The following TMEM260 variants were observed in gnomAD, a reference collection of about 807,000 sequenced individuals.
TMEM260 encodes protein O-mannosyl-transferase TMEM260.
Under a neutral mutation model 88.9 loss-of-function variants are expected in TMEM260, and 82 were observed. That is an observed-to-expected ratio of 0.92 (90% CI 0.77 to 1.11). The LOEUF (loss-of-function observed/expected upper bound fraction) is 1.11. TMEM260 is among the 50% of genes least tolerant of loss of function. The probability of loss-of-function intolerance (pLI) is 0.00; values close to 1 mark genes in which losing one functional copy is unlikely to be tolerated. For missense variants in TMEM260, 902 were observed against 853.4 expected, an observed-to-expected ratio of 1.06 and a Z score of -0.71; for synonymous variants, 314 against 309.3, an observed-to-expected ratio of 1.02 and a Z score of -0.16.
chr14:56,604,095 C>A, intron 4 of TMEM260, 103 bp downstream of exon 4: 1 of 1,143,570 alleles, frequency 8.7e-7, no homozygotes, highest in Non-Finnish European at 1.2e-6. Flanking sequence ...ATTCTGATTA[C>A]AGTCGGGATA....
intron 1 of TMEM260, among the ~76,000 whole-genome samples, chr14:56,581,998 T>A (rs1885169727): frequency 1.3e-5 from 2 of 152,210 alleles, no homozygotes; most frequent in Admixed American, 6.5e-5. Flanking sequence ...AAACTTTAGG[T>A]GCTTTAATTT....
chr14:56,580,157 G>C, intron 1 of TMEM260, 83 bp downstream of exon 1: 1 of 1,178,028 alleles, frequency 8.5e-7, no homozygotes, highest in Non-Finnish European at 1.1e-6. Context: ...CCCTGCTCTT[G>C]GCATTCGGTC....
chr14:56,613,834 A>C (rs1887430958), intron 7 of TMEM260: 1 of 151,046 alleles, frequency 6.6e-6, no homozygotes, highest in African/African-American at 2.4e-5. Flanking sequence ...CCAAAGTGGG[A>C]GGATCGCTTG....
rs979714931 is a variant in TMEM260, at chr14:56,621,634, G to C, written c.1330G>C (p.Gly444Arg). 8 of 1,613,276 alleles carry C rather than the reference G, an allele frequency of 5.0e-6. No individual in the cohort carries two copies. In the African/African-American group the frequency reaches 1.1e-4, roughly 22 times the overall value. ...AIILLRGDLP[G>R]NSLRYMHYCE... ...TATCTTACTCAGAGGAGATTTGCCA[G>C]GAAATTCTCTCCGTTACATGCATTA... The change falls in exon 11 of 16, where the codon GGA (glycine) becomes CGA (arginine). Residue 444 changes from glycine to arginine, a missense_variant. Transcript: ENST00000261556.
At chr14:56,587,593 T>C (rs1885587332) in intron 3 of TMEM260, among the ~76,000 whole-genome samples, 1 of 152,070 alleles carries the variant, frequency 6.6e-6, no homozygotes, top group Non-Finnish European at 1.5e-5. Flanking sequence ...TGACATGTGC[T>C]TTAAATTGAA....
intron 15 of TMEM260, among the ~76,000 whole-genome samples, chr14:56,640,832 G>T (rs185398911): frequency 1.3e-5 from 2 of 152,182 alleles, no homozygotes; most frequent in Non-Finnish European, 2.9e-5. Context: ...ACCACAGCAC[G>T]AGAACTACAT....
Position 56,647,662 on chromosome 14 carries a change from C to G in TMEM260, c.*165C>G. ...TACTGTTTAATGGGGTATTCAGTGA[C>G]TAAGGTCTGCTATTTATGCAAAATT... On this transcript the variant is annotated 3_prime_UTR_variant, in exon 16 of 16. Transcript: ENST00000261556. The G allele has an allele frequency of 1.5e-6, 1 of 681,138 alleles. No homozygotes were observed. The allele number at this position is 681,138 out of a possible 1,614,324, so 42.2% of individuals were successfully genotyped here. A position where few individuals can be genotyped will look rare whatever the true frequency, so the allele number is the denominator to read the frequency against.
intron 13 of TMEM260, 27 bp from the exon 14 acceptor site, chr14:56,634,872 G>T (rs1216128724): frequency 7.0e-6 from 11 of 1,577,878 alleles, no homozygotes; most frequent in African/African-American, 5.5e-5. Context: ...GTGACAGAAA[G>T]ATATTACTGT....
intron 3 of TMEM260, among the ~76,000 whole-genome samples, chr14:56,594,228 A>T (rs1473511383): frequency 6.6e-6 from 1 of 152,196 alleles, no homozygotes; most frequent in Non-Finnish European, 1.5e-5. Context: ...ATTTATCATA[A>T]AGTGTTCTCA....
chr14:56,631,017 C>A (rs1355229631), intron 12 of TMEM260, among the ~76,000 whole-genome samples: 3 of 152,176 alleles, frequency 2.0e-5, no homozygotes, highest in African/African-American at 7.2e-5. Flanking sequence ...AGGGCTGCAG[C>A]AACCTCAATT....
intron 6 of TMEM260, 58 bp from the exon 7 acceptor site, chr14:56,612,187 G>A: frequency 7.0e-7 from 1 of 1,427,034 alleles, no homozygotes; most frequent in Middle Eastern, 1.8e-4. Flanking sequence ...AAATACAATA[G>A]CCTAATAAAG....
At chr14:56,640,885 G>GAA (rs1382051713) in intron 15 of TMEM260, among the ~76,000 whole-genome samples, 1 of 152,190 alleles carries the variant, frequency 6.6e-6, no homozygotes, top group Non-Finnish European at 1.5e-5. Flanking sequence ...TCAACTGGAA[G>GAA]AAAGGGTATC....
intron 8 of TMEM260, chr14:56,616,253 A>G: frequency 2.5e-6 from 1 of 395,592 alleles, no homozygotes; most frequent in South Asian, 5.7e-5. Context: ...GTAGACAGTC[A>G]TTTGATGTCC....
At chr14:56,630,149 A>G (rs569730602) in intron 12 of TMEM260, among the ~76,000 whole-genome samples, 2 of 151,912 alleles carry the variant, frequency 1.3e-5, no homozygotes, top group Middle Eastern at 3.4e-3. Context: ...GGTGAAATCT[A>G]TTGTTTTTCT....
chr14:56,585,430 A>G (rs766413799), intron 2 of TMEM260, among the ~76,000 whole-genome samples: 1 of 152,100 alleles, frequency 6.6e-6, no homozygotes, highest in Non-Finnish European at 1.5e-5. Context: ...AACCAATACG[A>G]TATTTCAGAA....
At chr14:56,615,879 A>G in intron 7 of TMEM260, 65 bp from the exon 8 acceptor site, 1 of 1,092,590 alleles carries the variant, frequency 9.2e-7, no homozygotes, top group Non-Finnish European at 1.4e-6. Flanking sequence ...TCTTACAAGG[A>G]CTATTTTATT....
rs535684270 is a variant in TMEM260, at chr14:56,600,231, C to T, written c.345-3584C>T. Among the ~76,000 whole-genome samples the T allele has an allele frequency of 4.6e-5, 7 of 152,256 alleles. No homozygotes were observed. The East Asian group carries it at 5.8e-4, about 13-fold the overall frequency. Reference sequence around the variant, plus strand: ...ATATTCCGTATATCCTATGTATGGACGTACACATGACTTTCTGCTCTTAGA... The same window carrying T: ...ATATTCCGTATATCCTATGTATGGATGTACACATGACTTTCTGCTCTTAGA... On this transcript the variant is annotated intron_variant, in intron 3 of 15. Transcript: ENST00000261556.
the TMEM260 span, among the ~76,000 whole-genome samples, chr14:56,660,236 G>A: frequency 4.6e-5 from 7 of 152,332 alleles, no homozygotes; most frequent in Middle Eastern, 3.4e-3. Context: ...GTAGCAGCAT[G>A]CTTGGATGCT....
chr14:56,617,815 G>T (rs1185243475), intron 9 of TMEM260, among the ~76,000 whole-genome samples: 1 of 152,184 alleles, frequency 6.6e-6, no homozygotes, highest in Non-Finnish European at 1.5e-5. Flanking sequence ...GCGTATGTGT[G>T]TGTTCAGGAA....
Sources: gnomAD v4.1 joint callset for allele counts (sites outside exome capture counted in the v4.1 genomes callset) on GRCh38, gnomAD v4.1.1 for gene constraint, MANE v1.5 for transcripts, NCBI Gene and HGNC (gene_info 2026-07-23, HGNC 2026-07-21) for gene names.